Variants in PXDN observed in about 807,000 individuals in gnomAD.
PXDN encodes the protein peroxidasin.
In PXDN, 77 loss-of-function variants were observed where a neutral mutation model predicts 140.3. The observed-to-expected ratio is 0.55, with a 90% CI of 0.46 to 0.66. PXDN has a LOEUF of 0.66. Among genes scored for constraint, PXDN ranks in the 30% least tolerant of loss-of-function variants. The probability of loss-of-function intolerance (pLI) is 0.00; values close to 1 mark genes in which losing one functional copy is unlikely to be tolerated. For synonymous variants in PXDN, 911 were observed against 857.4 expected (o/e 1.06, Z -1.09); for missense variants, 1,838 against 2,039.5 (o/e 0.90, Z 1.90).
At position 1,665,935 on chromosome 2, in the gene PXDN, T is replaced by TCA. The variant is rs201102810; in HGVS notation, c.1291+277_1291+278dup. Among the ~76,000 whole-genome samples, 1,466 of 152,256 alleles carry TCA rather than the reference T, an allele frequency of 9.6e-3. 15 individuals are homozygous for TCA. Among genetic ancestry groups the TCA allele is most frequent in the African/African-American group, 0.033 (1,382 of 41,538 alleles). The stretch of plus-strand genomic sequence containing the variant: ...CACCCACACACACACACTCTCTCTC[T>TCA]CACTTATCTGATAGACACTCCTGCT... On this transcript the variant is annotated intron_variant, in intron 10 of 22. Coordinates refer to ENST00000252804, the MANE Select transcript of PXDN (RefSeq NM_012293.3).
intron 1 of PXDN, among the ~76,000 whole-genome samples, chr2:1,705,533 A>T (rs1252098271): frequency 1.4e-5 from 2 of 146,364 alleles, no homozygotes; most frequent in Non-Finnish European, 3.0e-5. Context: ...TACAGAGTGC[A>T]GCTGCCCACG....
At chr2:1,715,216 G>A (rs186054261) in intron 1 of PXDN, among the ~76,000 whole-genome samples, 109 of 152,244 alleles carry the variant, frequency 7.2e-4, no homozygotes, top group East Asian at 1.5e-3. Context: ...ACCCTGCTCC[G>A]GGGTTAAGGG....
intron 1 of PXDN, among the ~76,000 whole-genome samples, chr2:1,719,630 C>G (rs1174202537): frequency 6.6e-6 from 1 of 152,210 alleles, no homozygotes; most frequent in Non-Finnish European, 1.5e-5. Flanking sequence ...TTTTCAAGTT[C>G]AAGTTCTCAG....
At chr2:1,695,052 A>T (rs4853765) in intron 1 of PXDN, among the ~76,000 whole-genome samples, 1 of 152,200 alleles carries the variant, frequency 6.6e-6, no homozygotes, top group African/African-American at 2.4e-5. Flanking sequence ...TCCAGAGCAG[A>T]GGATGGAGTG....
intron 19 of PXDN, among the ~76,000 whole-genome samples, chr2:1,641,993 AAAAC>A (rs1682738106): frequency 6.6e-6 from 1 of 152,266 alleles, no homozygotes; most frequent in Admixed American, 6.5e-5. Flanking sequence ...ATATAAAACA[AAAAC>A]AAAAACAAAA....
intron 9 of PXDN, among the ~76,000 whole-genome samples, chr2:1,671,554 T>C (rs73910827): frequency 0.027 from 4,140 of 152,206 alleles, 196 homozygotes; most frequent in African/African-American, 0.095. Context: ...TACAACAAAT[T>C]TACCTTGAAG....
intron 17 of PXDN, among the ~76,000 whole-genome samples, chr2:1,647,635 T>C (rs1379762150): frequency 6.6e-6 from 1 of 152,178 alleles, no homozygotes; most frequent in East Asian, 1.9e-4. Flanking sequence ...CATGGGCAGG[T>C]GGCCCCACAG....
chr2:1,732,993 A>G (rs1685345943), intron 1 of PXDN, among the ~76,000 whole-genome samples: 1 of 152,200 alleles, frequency 6.6e-6, no homozygotes, highest in Non-Finnish European at 1.5e-5. Context: ...ACATTGAGAA[A>G]GAAAGACTTG....
chr2:1,650,832 A>G (rs1394927837), intron 16 of PXDN, among the ~76,000 whole-genome samples: 1 of 152,006 alleles, frequency 6.6e-6, no homozygotes, highest in Non-Finnish European at 1.5e-5. Flanking sequence ...TCTTTTTTCT[A>G]AAGTTTCTCC....
At chr2:1,673,836 G>C (rs776879003) in intron 8 of PXDN, 24 bp from the exon 9 acceptor site, 13 of 1,613,020 alleles carry the variant, frequency 8.1e-6, no homozygotes, top group Admixed American at 1.7e-5. Context: ...AATATGGTCT[G>C]GTCAAGTGTT....
chr2:1,640,126 C>A (rs1439018577), intron 19 of PXDN, among the ~76,000 whole-genome samples: 2 of 147,054 alleles, frequency 1.4e-5, no homozygotes, highest in African/African-American at 5.0e-5. Flanking sequence ...CCTCCTGGTC[C>A]CCGGGTGAGT....
chr2:1,670,007 G>A (rs1047177755), intron 9 of PXDN, among the ~76,000 whole-genome samples: 1 of 152,062 alleles, frequency 6.6e-6, no homozygotes, highest in African/African-American at 2.4e-5. Flanking sequence ...ACTACCTATA[G>A]TCTTTATGCT....
chr2:1,682,327 T>G (rs1683925708), intron 6 of PXDN, among the ~76,000 whole-genome samples: 1 of 152,190 alleles, frequency 6.6e-6, no homozygotes, highest in Admixed American at 6.5e-5. Flanking sequence ...TTAGTTTGGC[T>G]TGTGGTATTT....
At position 1,687,608 on chromosome 2, in the gene PXDN, A is replaced by C. The variant is rs200807994; in HGVS notation, c.416+24T>G. 29 of 1,467,190 alleles carry C rather than the reference A, an allele frequency of 2.0e-5. No individual in the cohort carries two copies. The African/African-American group carries it at 3.9e-4, about 20-fold the overall frequency. 90.9% of individuals were successfully genotyped at this position (1,467,190 alleles called of 1,614,324 possible). A position where few individuals can be genotyped will look rare whatever the true frequency, so the allele number is the denominator to read the frequency against. ...CAGCCAGACGGCATCCAAGAACTAA[A>C]GCACGAAGAGAAGGGGCACTTACAG... On this transcript the variant is annotated intron_variant, in intron 4 of 22. Coordinates refer to ENST00000252804, the MANE Select transcript of PXDN (RefSeq NM_012293.3). This position sits in a 1 kb window ranked among gnomAD's most constrained non-coding sequence, Gnocchi z 4.0.
intron 10 of PXDN, among the ~76,000 whole-genome samples, chr2:1,666,011 A>T (rs1414303967): frequency 2.6e-5 from 4 of 152,230 alleles, no homozygotes; most frequent in Non-Finnish European, 4.4e-5. Context: ...CAGAGCCCAT[A>T]CTACAGAGCC....
At chr2:1,739,726 C>T (rs1685497313) in intron 1 of PXDN, among the ~76,000 whole-genome samples, 1 of 152,144 alleles carries the variant, frequency 6.6e-6, no homozygotes, top group African/African-American at 2.4e-5. Flanking sequence ...TGAAGATTTT[C>T]CTCTTCTGGC....
intron 2 of PXDN, among the ~76,000 whole-genome samples, chr2:1,692,742 C>G (rs1001084094): frequency 6.6e-6 from 1 of 152,170 alleles, no homozygotes; most frequent in Non-Finnish European, 1.5e-5. Flanking sequence ...TGCAGGAACA[C>G]ACAGAGGTCA....
chr2:1,666,473 A>G lies in PXDN; in HGVS notation c.1032T>C (p.Phe344=). ...RYFGSPARPT[F]VIQPQNTEVL... is the part of the protein sequence containing the mutation. Reference sequence around the variant, plus strand: ...CCTCTGTATTCTGTGGCTGGATTACAAAAGTGGGTCGAGCTGTCACAATTA... The same window carrying G: ...CCTCTGTATTCTGTGGCTGGATTACGAAAGTGGGTCGAGCTGTCACAATTA... The change falls in exon 10 of 23, where the codon TTT becomes TTC. Residue 344 remains phenylalanine (F), a synonymous_variant. Transcript: ENST00000252804. 1 of 1,593,464 alleles carries G rather than the reference A, an allele frequency of 6.3e-7. No individual in the cohort carries two copies. The highest frequency in any genetic ancestry group is 8.6e-7 in the Non-Finnish European group (1 of 1,163,164).
At chr2:1,680,725 G>A (rs1276858451) in intron 6 of PXDN, among the ~76,000 whole-genome samples, 1 of 152,160 alleles carries the variant, frequency 6.6e-6, no homozygotes, top group Non-Finnish European at 1.5e-5. Flanking sequence ...CCAGGTGGGA[G>A]CCACTCACAG....
Sources: gnomAD v4.1 joint callset for allele counts (sites outside exome capture counted in the v4.1 genomes callset) on GRCh38, gnomAD v4.1.1 for gene constraint, Gnocchi (gnomAD v3.1) non-coding constraint, MANE v1.5 for transcripts, NCBI Gene and HGNC (gene_info 2026-07-23, HGNC 2026-07-21) for gene names.